The following DARS2 variants were observed in gnomAD, a reference collection of about 807,000 sequenced individuals.
The protein encoded by DARS2 is aspartyl-tRNA synthetase 2, mitochondrial, also known as aspartate--tRNA ligase, mitochondrial.
In DARS2, 63 loss-of-function variants were observed where a neutral mutation model predicts 83.0. The ratio of observed to expected loss-of-function variants is 0.76; its 90% CI spans 0.62 to 0.94. The LOEUF is 0.94. Among genes scored for constraint, DARS2 ranks in the 40% least tolerant of loss-of-function variants. The pLI is 0.00. For synonymous variants in DARS2, 250 were observed against 269.3 expected (o/e 0.93, Z 0.70); for missense variants, 675 against 774.4 (o/e 0.87, Z 1.52).
At position 173,828,224 on chromosome 1, in the gene DARS2, AACAT is replaced by A. The variant is rs1652658159; in HGVS notation, c.228-108_228-105del. On this transcript the variant is annotated intron_variant, in intron 2 of 16. Coordinates refer to ENST00000649689, the MANE Select transcript of DARS2 (RefSeq NM_018122.5). ...AAAATTATAATTATCATAAAAAAGA[AACAT>A]GAAAAATTGCATGGATTTTTGTTTG... The A allele has an allele frequency of 2.8e-6, 3 of 1,073,022 alleles. No individual in the cohort carries two copies. The South Asian group carries it at 4.4e-5, about 16-fold the overall frequency. 66.5% of individuals were successfully genotyped at this position (1,073,022 alleles called of 1,614,324 possible). A position where few individuals can be genotyped will look rare whatever the true frequency, so the allele number is the denominator to read the frequency against.
chr1:173,857,761 C>A lies in DARS2; in HGVS notation c.*56C>A, dbSNP rs1653907339. On this transcript the variant is annotated 3_prime_UTR_variant, in exon 17 of 17. Transcript: ENST00000649689. ...TTAGGTTTTGTCCTCTTTGCTTCCC[C>A]AAGGCTAAAGTCAGATCTAGAGTTC... 1.3e-6 allele frequency: 2 copies of A among 1,591,756 alleles called. No homozygotes were observed. The highest frequency in any genetic ancestry group is 1.1e-5 in the South Asian group (1 of 90,088).
intron 2 of DARS2, among the ~76,000 whole-genome samples, chr1:173,827,794 C>A (rs1652640569): frequency 6.6e-6 from 1 of 152,044 alleles, no homozygotes; most frequent in South Asian, 2.1e-4. Flanking sequence ...ATTTCTGGGA[C>A]CTTTTGATGA....
Position 173,825,094 on chromosome 1 carries a change from A to C in DARS2, c.-136A>C, listed in dbSNP as rs1267943913. On this transcript the variant is annotated 5_prime_UTR_variant, in exon 1 of 17. Coordinates refer to ENST00000649689, the MANE Select transcript of DARS2 (RefSeq NM_018122.5). ...ACACGTGTACTCCAATGTTGTGCGG[A>C]GGAGGCCTTAAATATTCGAGAAGAG... is the stretch of plus-strand genomic sequence containing the variant. The C allele has an allele frequency of 3.1e-6, 4 of 1,273,124 alleles. No homozygotes were observed. The highest frequency in any genetic ancestry group is 3.4e-6 in the Non-Finnish European group (3 of 889,402). 78.9% of individuals were successfully genotyped at this position (1,273,124 alleles called of 1,614,324 possible).
In DARS2 at chr1:173,857,767, TAA is replaced by T; in HGVS notation, c.*64_*65del. The T allele has an allele frequency of 6.4e-7, 1 of 1,572,226 alleles. No homozygotes were observed. Among genetic ancestry groups the T allele is most frequent in the Non-Finnish European group, 8.7e-7 (1 of 1,144,704 alleles). On this transcript the variant is annotated 3_prime_UTR_variant, in exon 17 of 17. Transcript: ENST00000649689. Reference sequence around the variant, plus strand: ...TTTGTCCTCTTTGCTTCCCCAAGGCTAAAGTCAGATCTAGAGTTCTGCCACAG... The same window carrying T: ...TTTGTCCTCTTTGCTTCCCCAAGGCTAGTCAGATCTAGAGTTCTGCCACAG...
intron 16 of DARS2, 138 bp downstream of exon 16, chr1:173,856,879 G>A: frequency 1.6e-6 from 1 of 623,218 alleles, no homozygotes; most frequent in East Asian, 2.8e-5. Flanking sequence ...TGAAATTTCA[G>A]TAATATATTT....
intron 7 of DARS2, among the ~76,000 whole-genome samples, chr1:173,835,997 T>C (rs1652989555): frequency 6.6e-6 from 1 of 151,300 alleles, no homozygotes; most frequent in East Asian, 2.0e-4. Context: ...GCAGAGGTTG[T>C]AATGAGCCAA....
intron 11 of DARS2, 42 bp from the exon 12 acceptor site, chr1:173,845,187 A>G (rs1311778694): frequency 8.7e-7 from 1 of 1,144,636 alleles, no homozygotes; most frequent in African/African-American, 1.5e-5. Context: ...TATGAAGCTA[A>G]GTGTCATACT....
intron 11 of DARS2, among the ~76,000 whole-genome samples, chr1:173,844,364 C>T (rs903979629): frequency 6.6e-6 from 1 of 152,024 alleles, no homozygotes; most frequent in African/African-American, 2.4e-5. Context: ...AATACATTCA[C>T]AGCTATTTCC....
At chr1:173,841,329 A>T (rs1653199865) in intron 11 of DARS2, among the ~76,000 whole-genome samples, 2 of 152,004 alleles carry the variant, frequency 1.3e-5, no homozygotes, top group Admixed American at 1.3e-4. Flanking sequence ...GTGAGCTGAG[A>T]TCATACCATT....
At chr1:173,832,191 A>G (rs1024690448) in intron 5 of DARS2, among the ~76,000 whole-genome samples, 1 of 152,218 alleles carries the variant, frequency 6.6e-6, no homozygotes, top group Non-Finnish European at 1.5e-5. Context: ...CTATTAACAG[A>G]TTTTTAATTA....
chr1:173,830,719 G>A lies in DARS2; in HGVS notation c.354G>A (p.Val118=). The change falls in exon 4 of 17, where the codon GTG becomes GTA. Residue 118 remains valine, a synonymous_variant. Coordinates refer to ENST00000649689, the MANE Select transcript of DARS2 (RefSeq NM_018122.5). ...CEAPVESVVQ[V]SGTVISRPAG... Reference sequence around the variant, plus strand: ...CCCCTGTGGAATCTGTGGTGCAAGTGTCTGGTACAGTCATTTCCCGTCCTG... The same window carrying A: ...CCCCTGTGGAATCTGTGGTGCAAGTATCTGGTACAGTCATTTCCCGTCCTG... 6.2e-7 allele frequency: 1 copy of A among 1,614,046 alleles called. No individual in the cohort carries two copies. The highest frequency in any genetic ancestry group is 8.5e-7 in the Non-Finnish European group (1 of 1,179,944).
intron 13 of DARS2, among the ~76,000 whole-genome samples, chr1:173,851,267 G>T (rs200049149): frequency 1.3e-5 from 2 of 148,446 alleles, no homozygotes; most frequent in Non-Finnish European, 1.5e-5. Flanking sequence ...AAAAAAAAGG[G>T]TTTTTTTTCA....
chr1:173,828,130 A>G (rs1652653333), intron 2 of DARS2, among the ~76,000 whole-genome samples: 1 of 152,118 alleles, frequency 6.6e-6, no homozygotes, highest in Non-Finnish European at 1.5e-5. Flanking sequence ...TTTTTTGGCA[A>G]TGAGCTACAT....
At chr1:173,834,719 T>G (rs1205643808) in intron 7 of DARS2, among the ~76,000 whole-genome samples, 200 bp downstream of exon 7, 2 of 146,816 alleles carry the variant, frequency 1.4e-5, no homozygotes, top group Admixed American at 6.8e-5. Context: ...TTTTCTTTCC[T>G]TTGAGTTTTT....
chr1:173,841,674 C>G (rs1653217448), intron 11 of DARS2, among the ~76,000 whole-genome samples: 1 of 152,036 alleles, frequency 6.6e-6, no homozygotes, highest in African/African-American at 2.4e-5. Context: ...TGGCTCACAC[C>G]TGTAGTCCCA....
chr1:173,852,291 G>A, intron 13 of DARS2: 1 of 975,388 alleles, frequency 1.0e-6, no homozygotes, highest in Non-Finnish European at 1.2e-6. Flanking sequence ...CTTAGTATTT[G>A]CCAAGCCCGT....
chr1:173,854,577 G>A (rs1181365409), intron 15 of DARS2, among the ~76,000 whole-genome samples: 1 of 152,102 alleles, frequency 6.6e-6, no homozygotes, highest in Non-Finnish European at 1.5e-5. Context: ...ACTTGCCAAA[G>A]TGACAGTACA....
rs1169806879 is a variant in DARS2, at chr1:173,857,947, G to C, written c.*242G>C. On this transcript the variant is annotated 3_prime_UTR_variant, in exon 17 of 17. Coordinates refer to ENST00000649689, the MANE Select transcript of DARS2 (RefSeq NM_018122.5). ...TTTTTTTGAAGTTCCTTTTTACTTA[G>C]GTGTGAAAGATGGTTCTTTGTTGAA... The C allele has an allele frequency of 3.9e-6, 2 of 518,642 alleles. No homozygotes were observed. 32.1% of individuals were successfully genotyped at this position (518,642 alleles called of 1,614,324 possible).
rs1652672416 is a variant in DARS2, at chr1:173,828,369, G to GC, written c.265dup (p.Leu89ProfsTer10). 6.2e-7 allele frequency: 1 copy of GC among 1,612,088 alleles called. No homozygotes were observed. The highest frequency in any genetic ancestry group is 1.1e-5 in the South Asian group (1 of 90,976). ...TCTTGGTCCTAAGAGATTTCGATGG[G>GC]CTTGTTCAAGTTATCATTCCCCAGG... On this transcript the variant is annotated frameshift_variant, in exon 3 of 17. Transcript: ENST00000649689. LOFTEE classifies it high-confidence loss of function.
Sources: gnomAD v4.1 joint callset for allele counts (sites outside exome capture counted in the v4.1 genomes callset) on GRCh38, gnomAD v4.1.1 for gene constraint, MANE v1.5 for transcripts, NCBI Gene and HGNC (gene_info 2026-07-23, HGNC 2026-07-21) for gene names.